INPP4B: variants seen among roughly 807,000 people sequenced by gnomAD.
The protein encoded by INPP4B is inositol polyphosphate-4-phosphatase type II B, also known as inositol polyphosphate 4-phosphatase type II.
In INPP4B, 55 loss-of-function variants were observed where a neutral mutation model predicts 122.5. The observed-to-expected ratio is 0.45, with a 90% CI of 0.36 to 0.56. The LOEUF (loss-of-function observed/expected upper bound fraction) is 0.56. INPP4B is among the 20% of genes least tolerant of loss of function. INPP4B has a pLI of 0.00. For missense variants in INPP4B, 1,000 were observed against 1,097.7 expected (o/e 0.91, Z 1.26); for synonymous variants, 403 against 388.7 (o/e 1.04, Z -0.43).
At chr4:142,790,602 A>G (rs985778020) in intron 1 of INPP4B, among the ~76,000 whole-genome samples, 6 of 152,148 alleles carry the variant, frequency 3.9e-5, no homozygotes, top group East Asian at 1.9e-4. Context: ...GTTTTAATAG[A>G]TTTTCAAAGC....
chr4:142,577,144 T>C (rs1167573788), intron 2 of INPP4B, among the ~76,000 whole-genome samples: 1 of 152,050 alleles, frequency 6.6e-6, no homozygotes, highest in African/African-American at 2.4e-5. Flanking sequence ...TTCAACTATA[T>C]GTACATTTTT....
intron 2 of INPP4B, among the ~76,000 whole-genome samples, chr4:142,631,301 ACACT>A (rs1185791701): frequency 6.6e-6 from 1 of 152,172 alleles, no homozygotes; most frequent in Admixed American, 6.6e-5. Context: ...TTAAAATTAA[ACACT>A]CAATAGATGG....
chr4:142,078,589 G>A (rs1219133243), intron 25 of INPP4B, among the ~76,000 whole-genome samples: 1 of 151,950 alleles, frequency 6.6e-6, no homozygotes, highest in Admixed American at 6.6e-5. Flanking sequence ...TGCTTCTTGT[G>A]AGGGGATTTC....
At chr4:142,737,902 C>A (rs983967534) in intron 1 of INPP4B, among the ~76,000 whole-genome samples, 1 of 152,152 alleles carries the variant, frequency 6.6e-6, no homozygotes, top group African/African-American at 2.4e-5. Flanking sequence ...ATCAAAACCA[C>A]GATGAGATAC....
intron 2 of INPP4B, among the ~76,000 whole-genome samples, chr4:142,479,631 TA>T (rs1820251938): frequency 6.6e-6 from 1 of 151,984 alleles, no homozygotes; most frequent in Non-Finnish European, 1.5e-5. Flanking sequence ...TATACAGCTA[TA>T]AAAAAGAATG....
chr4:142,201,852 C>T (rs557110119), intron 14 of INPP4B, among the ~76,000 whole-genome samples: 21 of 152,020 alleles, frequency 1.4e-4, no homozygotes, highest in South Asian at 6.2e-4. Context: ...CTGCTCTTTA[C>T]GATTTTTTGA....
chr4:142,654,796 T>C (rs1753818334), intron 2 of INPP4B: 1 of 152,194 alleles, frequency 6.6e-6, no homozygotes. Flanking sequence ...TTGAGAACTG[T>C]GTTCAGCAAG....
chr4:142,164,589 A>C (rs1237938869), intron 16 of INPP4B, among the ~76,000 whole-genome samples: 1 of 151,778 alleles, frequency 6.6e-6, no homozygotes, highest in Non-Finnish European at 1.5e-5. Context: ...TGGGCAGCTC[A>C]TATATATTAT....
chr4:142,300,211 A>G (rs1374504366), intron 9 of INPP4B, among the ~76,000 whole-genome samples: 2 of 152,176 alleles, frequency 1.3e-5, no homozygotes, highest in Non-Finnish European at 2.9e-5. Flanking sequence ...TGTGGCCTAT[A>G]AAACATGCCT....
At chr4:142,312,164 A>G (rs1010338779) in intron 8 of INPP4B, among the ~76,000 whole-genome samples, 1 of 152,158 alleles carries the variant, frequency 6.6e-6, no homozygotes, top group Non-Finnish European at 1.5e-5. Context: ...TAATAAATGT[A>G]CCCCATTGTA....
At chr4:142,322,022 T>C (rs1343919002) in intron 7 of INPP4B, among the ~76,000 whole-genome samples, 1 of 152,190 alleles carries the variant, frequency 6.6e-6, no homozygotes, top group Non-Finnish European at 1.5e-5. Flanking sequence ...GCCACTATTA[T>C]AAGCACTGGC....
In INPP4B at chr4:142,027,837, T is replaced by C. The variant is rs530908309; in HGVS notation, c.*945A>G. The C allele has an allele frequency of 5.8e-6, 1 of 173,146 alleles. No homozygotes were observed. The highest frequency in any genetic ancestry group is 1.2e-5 in the Non-Finnish European group (1 of 80,080). 10.7% of individuals were successfully genotyped at this position (173,146 alleles called of 1,614,324 possible). A position where few individuals can be genotyped will look rare whatever the true frequency, so the allele number is the denominator to read the frequency against. On this transcript the variant is annotated 3_prime_UTR_variant, in exon 26 of 26. Transcript: ENST00000262992. ...AATAATTGTTTTACTTTATCATTTG[T>C]TGTGGTTGCATATGTTTTAAAGGCT... is the stretch of plus-strand genomic sequence containing the variant.
At chr4:142,737,575 C>T (rs1465829162) in intron 1 of INPP4B, among the ~76,000 whole-genome samples, 1 of 152,116 alleles carries the variant, frequency 6.6e-6, no homozygotes, top group African/African-American at 2.4e-5. Flanking sequence ...GTCTAAAACA[C>T]CAAAAGCAAT....
At chr4:142,766,616 CTCCCAAAGTGATTCTT>C (rs1772185723) in intron 1 of INPP4B, 1 of 152,088 alleles carries the variant, frequency 6.6e-6, no homozygotes, top group Non-Finnish European at 1.5e-5. Context: ...AGTGATTCTC[CTCCCAAAGTGATTCTT>C]TCCCAAAGTG....
At chr4:142,096,689 G>T (rs1458089158) in intron 23 of INPP4B, among the ~76,000 whole-genome samples, 2 of 152,068 alleles carry the variant, frequency 1.3e-5, no homozygotes, top group Non-Finnish European at 2.9e-5. Context: ...AAAGATTAGT[G>T]CATCAGAGTT....
chr4:142,402,215 G>A (rs1801853144), intron 7 of INPP4B, among the ~76,000 whole-genome samples: 1 of 152,144 alleles, frequency 6.6e-6, no homozygotes. Flanking sequence ...CTGCCTTGAA[G>A]ACACATACAA....
chr4:142,315,494 G>A (rs560964468), intron 7 of INPP4B, among the ~76,000 whole-genome samples: 2 of 151,966 alleles, frequency 1.3e-5, no homozygotes, highest in South Asian at 4.2e-4. Context: ...TCAACTGAGT[G>A]GTGATTTTCA....
intron 2 of INPP4B, among the ~76,000 whole-genome samples, chr4:142,613,113 G>T (rs1742925379): frequency 6.6e-6 from 1 of 152,106 alleles, no homozygotes; most frequent in Admixed American, 6.5e-5. Context: ...GCAGACCCAT[G>T]TTGAGAACAG....
rs75867762 is a variant in INPP4B at position 142,511,276 on chromosome 4, G to C, written c.-190-48550C>G. 3.1e-4 allele frequency among the ~76,000 whole-genome samples: 47 copies of C among 152,060 alleles called. 1 individual carries two copies. In the East Asian group the frequency reaches 9.1e-3, roughly 29 times the overall value. ...GGACATTAGGTGTAACTTCAGTGAGGTACAGATCAGGACATAATGCTAAGA... is the reference window on the plus strand; with the variant it reads ...GGACATTAGGTGTAACTTCAGTGAGCTACAGATCAGGACATAATGCTAAGA... On this transcript the variant is annotated intron_variant, in intron 2 of 25. Coordinates refer to ENST00000262992, the MANE Select transcript of INPP4B (RefSeq NM_001101669.3).
Sources: allele counts gnomAD v4.1 joint callset (sites outside exome capture counted in the v4.1 genomes callset), GRCh38; gene constraint gnomAD v4.1.1; transcripts MANE v1.5; gene names NCBI Gene and HGNC (gene_info 2026-07-23, HGNC 2026-07-21).